Variants in SPAG16 observed in about 807,000 individuals in gnomAD.
SPAG16 encodes sperm-associated antigen 16 protein.
SPAG16 carries 86 observed loss-of-function variants against 80.4 expected under a neutral mutation model. That is an observed-to-expected ratio of 1.07 (90% CI 0.90 to 1.28). The LOEUF is 1.28. Among genes scored for constraint, SPAG16 ranks in the 50% most tolerant of loss-of-function variants. The pLI is 0.00. For missense variants in SPAG16, 870 were observed against 765.3 expected (o/e 1.14, Z -1.61); for synonymous variants, 294 against 265.9 (o/e 1.11, Z -1.03).
chr2:214,311,124 C>T (rs568330206), intron 15 of SPAG16, among the ~76,000 whole-genome samples: 1 of 136,306 alleles, frequency 7.3e-6, no homozygotes, highest in African/African-American at 3.0e-5. Context: ...AGAACAGTGC[C>T]CCCTTTGGAG....
intron 9 of SPAG16, among the ~76,000 whole-genome samples, chr2:213,454,080 C>A (rs978458508): frequency 2.6e-5 from 4 of 152,092 alleles, no homozygotes; most frequent in Non-Finnish European, 4.4e-5. Flanking sequence ...GGACAGAAAT[C>A]CCTAATATAC....
intron 10 of SPAG16, among the ~76,000 whole-genome samples, chr2:213,663,241 TAC>T (rs1307626988): frequency 2.0e-5 from 3 of 152,092 alleles, no homozygotes; most frequent in African/African-American, 7.2e-5. Flanking sequence ...ATCCCTTCTG[TAC>T]ACCATGACTA....
At chr2:213,565,225 A>AG (rs2059721301) in intron 10 of SPAG16, among the ~76,000 whole-genome samples, 1 of 152,222 alleles carries the variant, frequency 6.6e-6, no homozygotes, top group African/African-American at 2.4e-5. Flanking sequence ...CACAAGGAAT[A>AG]TATATTGACT....
chr2:213,724,059 C>G (rs1451143293), intron 10 of SPAG16, among the ~76,000 whole-genome samples: 1 of 152,188 alleles, frequency 6.6e-6, no homozygotes, highest in Non-Finnish European at 1.5e-5. Context: ...TTTCCACAGA[C>G]TGGAATAGGG....
intron 7 of SPAG16, among the ~76,000 whole-genome samples, chr2:213,360,977 G>T (rs1304260006): frequency 6.6e-6 from 1 of 151,968 alleles, no homozygotes; most frequent in Non-Finnish European, 1.5e-5. Flanking sequence ...ATCTTAATGA[G>T]CATTTAGCTT....
At chr2:213,457,706 A>ATT (rs2072110413) in intron 9 of SPAG16, among the ~76,000 whole-genome samples, 1 of 151,992 alleles carries the variant, frequency 6.6e-6, no homozygotes, top group African/African-American at 2.4e-5. Flanking sequence ...TAATCTACAT[A>ATT]TTTTACTTTT....
At chr2:213,860,601 G>C (rs941009730) in intron 10 of SPAG16, among the ~76,000 whole-genome samples, 1 of 151,790 alleles carries the variant, frequency 6.6e-6, no homozygotes, top group South Asian at 2.1e-4. Flanking sequence ...AGTCCAAGTT[G>C]TTTAAGGTGT....
intron 15 of SPAG16, among the ~76,000 whole-genome samples, chr2:214,317,153 G>C (rs757659930): frequency 1.3e-5 from 2 of 152,068 alleles, no homozygotes; most frequent in African/African-American, 4.8e-5. Context: ...ACAAAATCAG[G>C]TATCAACTCC....
intron 15 of SPAG16, among the ~76,000 whole-genome samples, chr2:214,166,298 T>C (rs1299343658): frequency 1.3e-5 from 2 of 152,150 alleles, no homozygotes; most frequent in Non-Finnish European, 2.9e-5. Flanking sequence ...CCTTCCTCTA[T>C]TCCCTGGGAG....
intron 11 of SPAG16, among the ~76,000 whole-genome samples, chr2:213,867,140 C>G (rs1478679623): frequency 6.6e-6 from 1 of 152,166 alleles, no homozygotes; most frequent in Non-Finnish European, 1.5e-5. Flanking sequence ...ACATGGATAA[C>G]TTTCGTCACA....
In SPAG16 at chr2:213,894,298, CAATA is replaced by C. The variant is rs147572890; in HGVS notation, c.1214+31675_1214+31678del. Among the ~76,000 whole-genome samples the C allele has an allele frequency of 8.1e-4, 124 of 152,200 alleles. 2 individuals are homozygous for C. In the East Asian group the frequency reaches 0.022, roughly 28 times the overall value. ...CAAGGATGGTTCAGCATACACAAAT[CAATA>C]AATATGTACATCATATTAACATAAC... On this transcript the variant is annotated intron_variant, in intron 11 of 15. Coordinates refer to ENST00000331683, the MANE Select transcript of SPAG16 (RefSeq NM_024532.5).
chr2:213,654,348 ATTG>A (rs1265229070), intron 10 of SPAG16, among the ~76,000 whole-genome samples: 1 of 137,308 alleles, frequency 7.3e-6, no homozygotes, highest in Non-Finnish European at 1.6e-5. Flanking sequence ...TTGAACATCT[ATTG>A]TTTTTGTTTG....
At chr2:213,685,806 A>G (rs2064637286) in intron 10 of SPAG16, among the ~76,000 whole-genome samples, 1 of 152,174 alleles carries the variant, frequency 6.6e-6, no homozygotes, top group African/African-American at 2.4e-5. Context: ...AAATCATTGG[A>G]AATAGGGAAG....
At chr2:214,265,306 G>A (rs990988955) in intron 15 of SPAG16, among the ~76,000 whole-genome samples, 2 of 152,028 alleles carry the variant, frequency 1.3e-5, no homozygotes, top group African/African-American at 4.8e-5. Flanking sequence ...TCTAATCAGT[G>A]TACAGTAGTA....
At chr2:213,662,271 G>T (rs2063454885) in intron 10 of SPAG16, among the ~76,000 whole-genome samples, 2 of 152,044 alleles carry the variant, frequency 1.3e-5, no homozygotes, top group African/African-American at 4.8e-5. Context: ...TGTAGGAGGT[G>T]GGAGGGGTAG....
chr2:213,573,172 A>T (rs978141568), intron 10 of SPAG16, among the ~76,000 whole-genome samples: 6 of 152,034 alleles, frequency 3.9e-5, no homozygotes, highest in Non-Finnish European at 5.9e-5. Context: ...GGTACCTCAG[A>T]TGGAAATGCA....
At chr2:213,709,051 G>C (rs190020990) in intron 10 of SPAG16, among the ~76,000 whole-genome samples, 1 of 152,172 alleles carries the variant, frequency 6.6e-6, no homozygotes, top group Non-Finnish European at 1.5e-5. Flanking sequence ...CTGCCCTCTA[G>C]CAAAACTTAT....
chr2:213,885,053 G>A (rs7563520), intron 11 of SPAG16, among the ~76,000 whole-genome samples: 34,938 of 152,036 alleles, frequency 0.23, 4,667 homozygotes, highest in East Asian at 0.4. Context: ...GAGGTAAGGA[G>A]ACCCTCTGTC....
chr2:214,018,505 GAACAGTAT>G (rs1217875892), intron 13 of SPAG16, among the ~76,000 whole-genome samples: 1 of 151,982 alleles, frequency 6.6e-6, no homozygotes, highest in East Asian at 1.9e-4. Flanking sequence ...GTAATGATAA[GAACAGTAT>G]AACATATTGA....
Sources: allele counts gnomAD v4.1 joint callset (sites outside exome capture counted in the v4.1 genomes callset), GRCh38; gene constraint gnomAD v4.1.1; transcripts MANE v1.5; gene names NCBI Gene and HGNC (gene_info 2026-07-23, HGNC 2026-07-21).